The following KCNIP4 variants were observed in gnomAD, a reference collection of about 807,000 sequenced individuals.
The protein encoded by KCNIP4 is potassium voltage-gated channel interacting protein 4.
Under a neutral mutation model 34.0 loss-of-function variants are expected in KCNIP4, and 12 were observed. That is an observed-to-expected ratio of 0.35 (90% CI 0.23 to 0.57). The LOEUF (loss-of-function observed/expected upper bound fraction) is 0.57. Ranked by LOEUF, KCNIP4 falls within the 20% of genes least tolerant of loss-of-function variation. The pLI is 0.83. For missense variants in KCNIP4, 238 were observed against 311.7 expected (o/e 0.76, Z 1.78); for synonymous variants, 124 against 102.2 (o/e 1.21, Z -1.29).
At chr4:21,942,416 A>G (rs1730252363) in intron 1 of KCNIP4, among the ~76,000 whole-genome samples, 1 of 152,220 alleles carries the variant, frequency 6.6e-6, no homozygotes, top group African/African-American at 2.4e-5. Flanking sequence ...GGAATGTCAT[A>G]GTAACAACAC....
At chr4:21,504,167 T>C (rs953848182) in intron 1 of KCNIP4, among the ~76,000 whole-genome samples, 1 of 151,918 alleles carries the variant, frequency 6.6e-6, no homozygotes, top group Non-Finnish European at 1.5e-5. Context: ...AATGTAGTCA[T>C]GATAGAGTGG....
intron 1 of KCNIP4, among the ~76,000 whole-genome samples, chr4:21,687,430 G>A (rs1283793882): frequency 2.0e-5 from 3 of 152,056 alleles, no homozygotes; most frequent in Non-Finnish European, 4.4e-5. Flanking sequence ...AAGCACTGGT[G>A]TTGTTCAATT....
chr4:21,309,315 T>A (rs1712862357), intron 1 of KCNIP4, among the ~76,000 whole-genome samples: 1 of 152,166 alleles, frequency 6.6e-6, no homozygotes, highest in Non-Finnish European at 1.5e-5. Context: ...TTCTGATTGT[T>A]CATCTTTCAT....
At position 20,785,926 on chromosome 4, in the gene KCNIP4, GACCCAGGAATACCATTACTGGGTATAT is replaced by G. The variant is rs542247848; in HGVS notation, c.289-27063_289-27037del. On this transcript the variant is annotated intron_variant, in intron 3 of 8. Transcript: ENST00000382152. Reference sequence around the variant, plus strand: ...AGGACTAAAAATAGAATTACAATTTGACCCAGGAATACCATTACTGGGTATATACCCAGAGGAAAATAAATTGTTCTA... The same window carrying G: ...AGGACTAAAAATAGAATTACAATTTGACCCAGAGGAAAATAAATTGTTCTA... 1.4e-4 allele frequency among the ~76,000 whole-genome samples: 22 copies of G among 151,986 alleles called. No individual in the cohort carries two copies. The East Asian group carries it at 4.1e-3, about 28-fold the overall frequency.
At chr4:21,478,312 C>T (rs2874930) in intron 1 of KCNIP4, among the ~76,000 whole-genome samples, 18,993 of 151,786 alleles carry the variant, frequency 0.13, 1,353 homozygotes, top group South Asian at 0.21. Flanking sequence ...TTTCATGTCC[C>T]CCTTTAACCT....
At chr4:21,763,163 A>G in intron 1 of KCNIP4, 1 of 1,200,210 alleles carries the variant, frequency 8.3e-7, no homozygotes, top group Non-Finnish European at 1.1e-6. Flanking sequence ...CACAAACAAA[A>G]TGTGAAGAAC....
intron 1 of KCNIP4, among the ~76,000 whole-genome samples, chr4:21,354,210 A>T (rs1718324217): frequency 6.6e-6 from 1 of 152,200 alleles, no homozygotes; most frequent in Non-Finnish European, 1.5e-5. Context: ...AATTGTAAAG[A>T]CCATCGATGC....
chr4:21,945,621 C>T (rs1009330429), intron 1 of KCNIP4, among the ~76,000 whole-genome samples: 3 of 152,014 alleles, frequency 2.0e-5, no homozygotes, highest in African/African-American at 7.2e-5. Flanking sequence ...TAGATTACAT[C>T]ACATAACATC....
Position 21,740,913 on chromosome 4 carries a change from A to G in KCNIP4, c.61+207658T>C, listed in dbSNP as rs549291809. On this transcript the variant is annotated intron_variant, in intron 1 of 8. Coordinates refer to ENST00000382152, the MANE Select transcript of KCNIP4 (RefSeq NM_025221.6). ...TGCTCAGGGTATTACATTGCCCTAA[A>G]GCAAACATTTTACTCAGAAAATGTG... Among the ~76,000 whole-genome samples the G allele has an allele frequency of 5.9e-5, 9 of 152,310 alleles. No homozygotes were observed. In the South Asian group the frequency reaches 1.9e-3, roughly 32 times the overall value.
intron 1 of KCNIP4, among the ~76,000 whole-genome samples, chr4:21,589,684 A>G (rs1742026514): frequency 6.6e-6 from 1 of 151,934 alleles, no homozygotes; most frequent in African/African-American, 2.4e-5. Flanking sequence ...TCTCTCTTAT[A>G]GTCCCCAATT....
intron 1 of KCNIP4, among the ~76,000 whole-genome samples, chr4:21,276,309 C>T (rs1762432629): frequency 6.6e-6 from 1 of 152,050 alleles, no homozygotes; most frequent in Non-Finnish European, 1.5e-5. Context: ...TGGTTTAAGC[C>T]ACCCTGTTTG....
intron 1 of KCNIP4, among the ~76,000 whole-genome samples, chr4:21,091,990 C>A (rs1747038582): frequency 6.6e-6 from 1 of 152,116 alleles, no homozygotes. Context: ...CTCAGATAGG[C>A]TCAGCAACTG....
intron 5 of KCNIP4, among the ~76,000 whole-genome samples, chr4:20,741,126 G>A (rs960576878): frequency 2.6e-5 from 4 of 151,926 alleles, no homozygotes; most frequent in Admixed American, 1.3e-4. Flanking sequence ...ATAATGGGAG[G>A]CTTTAACACC....
chr4:21,764,895 G>A (rs1015164693), intron 1 of KCNIP4, among the ~76,000 whole-genome samples: 4 of 152,032 alleles, frequency 2.6e-5, no homozygotes, highest in Non-Finnish European at 5.9e-5. Context: ...AGAGTCAGGA[G>A]AAGAAGATTT....
At chr4:21,097,611 C>T (rs1194551628) in intron 1 of KCNIP4, among the ~76,000 whole-genome samples, 1 of 152,036 alleles carries the variant, frequency 6.6e-6, no homozygotes, top group Non-Finnish European at 1.5e-5. Flanking sequence ...TGGCTACCAT[C>T]ATTGTTTGGG....
chr4:20,815,630 T>C (rs962464717), intron 3 of KCNIP4, among the ~76,000 whole-genome samples: 19 of 152,222 alleles, frequency 1.2e-4, no homozygotes, highest in African/African-American at 4.6e-4. Context: ...CAAAACATCT[T>C]ACTGGAATGC....
At chr4:21,652,614 T>C in intron 1 of KCNIP4, among the ~76,000 whole-genome samples, 1 of 152,198 alleles carries the variant, frequency 6.6e-6, no homozygotes, top group East Asian at 1.9e-4. Flanking sequence ...AGCCACATGC[T>C]ACAAGTGCCA....
intron 1 of KCNIP4, among the ~76,000 whole-genome samples, chr4:21,866,762 A>ATTTTTTTTTTT (rs770568451): frequency 7.3e-5 from 6 of 82,698 alleles, no homozygotes; most frequent in East Asian, 4.1e-4. Context: ...TTCAGCCTGG[A>ATTTTTTTTTTT]TTTTTTTTTT....
At chr4:21,447,204 G>A (rs996248479) in intron 1 of KCNIP4, among the ~76,000 whole-genome samples, 2 of 152,046 alleles carry the variant, frequency 1.3e-5, no homozygotes, top group Non-Finnish European at 2.9e-5. Context: ...TTTGATAATT[G>A]AAAAAGTAGG....
Sources: allele counts gnomAD v4.1 joint callset (sites outside exome capture counted in the v4.1 genomes callset), GRCh38; gene constraint gnomAD v4.1.1; transcripts MANE v1.5; gene names NCBI Gene and HGNC (gene_info 2026-07-23, HGNC 2026-07-21).